The following GTF2A1 variants were observed in gnomAD, a reference collection of about 807,000 sequenced individuals.
GTF2A1 encodes the protein transcription initiation factor IIA subunit 1.
Under a neutral mutation model 54.1 loss-of-function variants are expected in GTF2A1, and 12 were observed. The ratio of observed to expected loss-of-function variants is 0.22; its 90% CI spans 0.14 to 0.36. The LOEUF (loss-of-function observed/expected upper bound fraction) is 0.36. Ranked by LOEUF, GTF2A1 falls within the 10% of genes least tolerant of loss-of-function variation. The probability of loss-of-function intolerance (pLI) is 1.00; values close to 1 mark genes in which losing one functional copy is unlikely to be tolerated. For synonymous variants in GTF2A1, 145 were observed against 152.0 expected, an observed-to-expected ratio of 0.95 and a Z score of 0.34; for missense variants, 335 against 442.2, an observed-to-expected ratio of 0.76 and a Z score of 2.17.
chr14:81,207,605 G>A (rs2140034844), intron 2 of GTF2A1, among the ~76,000 whole-genome samples: 1 of 152,322 alleles, frequency 6.6e-6, no homozygotes, highest in Admixed American at 6.5e-5. Flanking sequence ...ACAGGCAGAG[G>A]CTGGAACGGT....
At chr14:81,203,751 C>T (rs1382567892) in intron 3 of GTF2A1, 149 bp downstream of exon 3, 11 of 637,142 alleles carry the variant, frequency 1.7e-5, no homozygotes, top group African/African-American at 1.6e-4. Context: ...GGGAAAAAGC[C>T]CGAAATCAAC....
At chr14:81,195,609 G>A (rs2140156596) in intron 6 of GTF2A1, among the ~76,000 whole-genome samples, 1 of 138,090 alleles carries the variant, frequency 7.2e-6, no homozygotes, top group South Asian at 2.4e-4. Flanking sequence ...TCCAGCCTGG[G>A]TGAAAGAGCA....
chr14:81,180,598 C>T (rs1892619812), intron 8 of GTF2A1, among the ~76,000 whole-genome samples: 1 of 151,996 alleles, frequency 6.6e-6, no homozygotes, highest in African/African-American at 2.4e-5. Flanking sequence ...AGCACCTGGC[C>T]TAAAAATTGG....
At chr14:81,208,914 T>C (rs1893301580) in intron 2 of GTF2A1, among the ~76,000 whole-genome samples, 1 of 152,244 alleles carries the variant, frequency 6.6e-6, no homozygotes, top group South Asian at 2.1e-4. Context: ...CCCCATTGTA[T>C]CTAGGAAGTA....
At chr14:81,182,100 TA>T (rs200566518) in intron 8 of GTF2A1, among the ~76,000 whole-genome samples, 102 of 146,768 alleles carry the variant, frequency 6.9e-4, no homozygotes, top group African/African-American at 7.7e-4. Context: ...TTTTGAGACT[TA>T]AAAAAAAAAA....
At chr14:81,185,483 G>C (rs1595207959) in intron 8 of GTF2A1, 48 bp downstream of exon 8, 2 of 1,030,126 alleles carry the variant, frequency 1.9e-6, no homozygotes, top group Non-Finnish European at 3.1e-6. Context: ...ATGTAGGGAA[G>C]AAATTACAAC....
chr14:81,195,824 T>C (rs1440302386), intron 6 of GTF2A1, among the ~76,000 whole-genome samples: 2 of 152,000 alleles, frequency 1.3e-5, no homozygotes, highest in Non-Finnish European at 2.9e-5. Flanking sequence ...ACTCAGTAAC[T>C]GCTTATTGAA....
chr14:81,200,027 G>T (rs2071332986), intron 4 of GTF2A1, among the ~76,000 whole-genome samples: 1 of 151,796 alleles, frequency 6.6e-6, no homozygotes, highest in South Asian at 2.1e-4. Context: ...AAAATCTTGT[G>T]AGAAATAACA....
At chr14:81,201,889 G>GTGGC (rs1893119468) in intron 3 of GTF2A1, among the ~76,000 whole-genome samples, 1 of 152,156 alleles carries the variant, frequency 6.6e-6, no homozygotes, top group Admixed American at 6.5e-5. Flanking sequence ...CCCAGGCGTG[G>GTGGC]TGGCTCACAC....
At chr14:81,215,652 T>A (rs181572722) in intron 2 of GTF2A1, among the ~76,000 whole-genome samples, 1 of 152,316 alleles carries the variant, frequency 6.6e-6, no homozygotes, top group Non-Finnish European at 1.5e-5. Context: ...AAGGGTCTAC[T>A]TCAAGAACCT....
intron 2 of GTF2A1, among the ~76,000 whole-genome samples, chr14:81,207,367 T>C (rs1893260862): frequency 6.6e-6 from 1 of 152,098 alleles, no homozygotes; most frequent in Non-Finnish European, 1.5e-5. Context: ...TTCCTCATTT[T>C]CTCTTGCTGC....
rs2140049369 is a variant in GTF2A1, at chr14:81,220,645, A to G, written c.-127T>C. 1 of 642,214 alleles carries G rather than the reference A, an allele frequency of 1.6e-6. No homozygotes were observed. Among genetic ancestry groups the G allele is most frequent in the Non-Finnish European group, 2.6e-6 (1 of 390,182 alleles). The allele number at this position is 642,214 out of a possible 1,614,324, so 39.8% of individuals were successfully genotyped here. A position where few individuals can be genotyped will look rare whatever the true frequency, so the allele number is the denominator to read the frequency against. On this transcript the variant is annotated 5_prime_UTR_variant, in exon 1 of 9. Coordinates refer to ENST00000553612, the MANE Select transcript of GTF2A1 (RefSeq NM_015859.4). ...ACCGCAAGATTGGGGAAAAAATTTT[A>G]AACAAAATCAATCCTGAAGGAGTAG...
chr14:81,211,876 TA>T lies in GTF2A1; in HGVS notation c.132+4536del, dbSNP rs1566861024. On this transcript the variant is annotated intron_variant, in intron 2 of 8. Coordinates refer to ENST00000553612, the MANE Select transcript of GTF2A1 (RefSeq NM_015859.4). ...CATAATTAGAGTGTATCAAGTACTTTATATATATATATATATATATATATAT... is the reference window on the plus strand; with the variant it reads ...CATAATTAGAGTGTATCAAGTACTTTTATATATATATATATATATATATAT... 2.0e-3 allele frequency among the ~76,000 whole-genome samples: 22 copies of T among 10,868 alleles called. 1 individual carries two copies. The highest frequency in any genetic ancestry group is 2.8e-3 in the African/African-American group (19 of 6,884). The allele number at this position is 10,868 out of a possible 152,430, so 7.1% of individuals were successfully genotyped here.
intron 6 of GTF2A1, among the ~76,000 whole-genome samples, chr14:81,193,219 T>C (rs1595213952): frequency 6.7e-6 from 1 of 150,144 alleles, no homozygotes; most frequent in Non-Finnish European, 1.5e-5. Flanking sequence ...CAGGCTGGAG[T>C]GCAATGGTGT....
rs548971858 is a variant in GTF2A1, at chr14:81,179,417, G to A, written c.*806C>T. On this transcript the variant is annotated 3_prime_UTR_variant, in exon 9 of 9. Coordinates refer to ENST00000553612, the MANE Select transcript of GTF2A1 (RefSeq NM_015859.4). ...TTGCAAAATAAAACTATATTCCTGA[G>A]GAGCTAGTTTGGGGTTTCTTTTTAA... The A allele has an allele frequency of 3.3e-5, 5 of 152,264 alleles. No individual in the cohort carries two copies. In the South Asian group the frequency reaches 1.0e-3, roughly 32 times the overall value. The allele number at this position is 152,264 out of a possible 1,614,324, so 9.4% of individuals were successfully genotyped here.
chr14:81,206,218 T>C (rs776848923), intron 2 of GTF2A1, among the ~76,000 whole-genome samples: 1 of 152,186 alleles, frequency 6.6e-6, no homozygotes, highest in Non-Finnish European at 1.5e-5. Context: ...CTGGGCACCA[T>C]GACTCACCTA....
At chr14:81,186,959 C>CAA (rs56717903) in intron 7 of GTF2A1, among the ~76,000 whole-genome samples, 2 of 144,932 alleles carry the variant, frequency 1.4e-5, no homozygotes, top group African/African-American at 2.6e-5. Context: ...ACAATAAGAA[C>CAA]AAAAAAAAAA....
chr14:81,182,721 A>G (rs568672185), intron 8 of GTF2A1, among the ~76,000 whole-genome samples: 20 of 152,326 alleles, frequency 1.3e-4, no homozygotes, highest in African/African-American at 4.3e-4. Flanking sequence ...CATTTGTCTC[A>G]CTGAAACCTT....
intron 8 of GTF2A1, among the ~76,000 whole-genome samples, chr14:81,181,679 G>A (rs1444678212): frequency 2.6e-5 from 4 of 152,024 alleles, no homozygotes; most frequent in Admixed American, 1.3e-4. Flanking sequence ...TGAGTAGCTG[G>A]GATTACAGGC....
Sources: gnomAD v4.1 joint callset for allele counts (sites outside exome capture counted in the v4.1 genomes callset) on GRCh38, gnomAD v4.1.1 for gene constraint, MANE v1.5 for transcripts, NCBI Gene and HGNC (gene_info 2026-07-23, HGNC 2026-07-21) for gene names.